CSMD3: variants seen among roughly 807,000 people sequenced by gnomAD.
The protein encoded by CSMD3 is CUB and Sushi multiple domains 3.
A neutral mutation model predicts 435.2 loss-of-function variants in CSMD3; 177 were observed. That is an observed-to-expected ratio of 0.41 (90% CI 0.36 to 0.46). CSMD3 has a LOEUF of 0.46. Among genes scored for constraint, CSMD3 ranks in the 20% least tolerant of loss-of-function variants. The pLI is 0.34. For synonymous variants in CSMD3, 1,656 were observed against 1,520.5 expected, an observed-to-expected ratio of 1.09 and a Z score of -2.07; for missense variants, 4,265 against 4,504.6, an observed-to-expected ratio of 0.95 and a Z score of 1.52.
intron 13 of CSMD3, among the ~76,000 whole-genome samples, chr8:112,747,962 C>CAAAAAAA (rs71309788): frequency 1.8e-4 from 17 of 96,752 alleles, no homozygotes; most frequent in African/African-American, 6.2e-4. Context: ...GACTCCGTCT[C>CAAAAAAA]AAAAAAAAAA....
chr8:112,795,662 C>T (rs2078811314), intron 13 of CSMD3, among the ~76,000 whole-genome samples: 1 of 152,140 alleles, frequency 6.6e-6, no homozygotes, highest in African/African-American at 2.4e-5. Flanking sequence ...TTCAAGAACG[C>T]ACCTGAGTCT....
intron 7 of CSMD3, among the ~76,000 whole-genome samples, chr8:112,967,780 T>C (rs1051551975): frequency 6.6e-6 from 1 of 151,600 alleles, no homozygotes; most frequent in African/African-American, 2.4e-5. Context: ...TTCAATACTG[T>C]ATACCCAGCA....
chr8:113,055,554 T>C lies in CSMD3; in HGVS notation c.918-36375A>G, dbSNP rs184620240. ...CATATTCTGCTGACTCTCATGTCTA[T>C]AACTGTAATCCTAAATTTTCCCTTG... On this transcript the variant is annotated intron_variant, in intron 5 of 70. Coordinates refer to ENST00000297405, the MANE Select transcript of CSMD3 (RefSeq NM_198123.2). Among the ~76,000 whole-genome samples, 6 of 152,350 alleles carry C rather than the reference T, an allele frequency of 3.9e-5. No homozygotes were observed. In the East Asian group the frequency reaches 1.2e-3, roughly 29 times the overall value.
chr8:112,364,561 C>T (rs1948411), intron 38 of CSMD3, among the ~76,000 whole-genome samples: 30,973 of 151,888 alleles, frequency 0.2, 3,699 homozygotes, highest in East Asian at 0.39. Flanking sequence ...GAGATTTTAA[C>T]ATGTGTCTCT....
At position 112,503,957 on chromosome 8, in the gene CSMD3, T is replaced by C. The variant is rs887100335; in HGVS notation, c.4916A>G (p.Tyr1639Cys). The C allele has an allele frequency of 1.2e-6, 2 of 1,608,824 alleles. No homozygotes were observed. Among genetic ancestry groups the C allele is most frequent in the South Asian group, 1.1e-5 (1 of 90,906 alleles). Reference sequence around the variant, plus strand: ...TCCATCATAGATATAGAGGAAGTCATAGTTTGGTTCTATGCTAAAACTGAA... The same window carrying C: ...TCCATCATAGATATAGAGGAAGTCACAGTTTGGTTCTATGCTAAAACTGAA... ...AFISFSIEPN[Y>C]DFLYIYDGPD... Residue 1639 changes from tyrosine (Y) to cysteine (C), a missense_variant, in exon 30 of 71, where the codon TAT becomes TGT. This residue lies in a region of CSMD3 where 3,255 missense variants were observed against 3,380.2 expected (regional missense o/e 0.96). Coordinates refer to ENST00000297405, the MANE Select transcript of CSMD3 (RefSeq NM_198123.2).
chr8:113,129,707 A>T (rs1259735836), intron 4 of CSMD3, among the ~76,000 whole-genome samples: 1 of 152,166 alleles, frequency 6.6e-6, no homozygotes, highest in Non-Finnish European at 1.5e-5. Context: ...GAGGATTCAT[A>T]GAGAAGTATA....
intron 16 of CSMD3, among the ~76,000 whole-genome samples, chr8:112,672,978 C>T (rs2075692079): frequency 6.6e-6 from 1 of 152,034 alleles, no homozygotes; most frequent in South Asian, 2.1e-4. Flanking sequence ...AGAAGTGGTA[C>T]TTAGGTGCTC....
At chr8:112,886,100 T>C (rs1033323659) in intron 10 of CSMD3, among the ~76,000 whole-genome samples, 1 of 151,722 alleles carries the variant, frequency 6.6e-6, no homozygotes, top group Non-Finnish European at 1.5e-5. Flanking sequence ...CAGGATTCTG[T>C]GGTTTTACTT....
chr8:113,348,868 T>C (rs2094170566), intron 1 of CSMD3, among the ~76,000 whole-genome samples: 2 of 152,090 alleles, frequency 1.3e-5, no homozygotes, highest in Admixed American at 1.3e-4. Flanking sequence ...TTTAGACCTT[T>C]ACACAATATG....
intron 9 of CSMD3, among the ~76,000 whole-genome samples, chr8:112,929,770 G>C (rs1371983407): frequency 3.3e-5 from 5 of 151,970 alleles, no homozygotes; most frequent in Non-Finnish European, 7.4e-5. Flanking sequence ...GAATGCGTTA[G>C]AAAGTAACAT....
intron 10 of CSMD3, among the ~76,000 whole-genome samples, chr8:112,904,922 G>A (rs892682160): frequency 6.6e-6 from 1 of 151,410 alleles, no homozygotes; most frequent in African/African-American, 2.4e-5. Flanking sequence ...TCTGCAAGTT[G>A]AGTCTGGATG....
chr8:112,575,553 A>T (rs1829871485), intron 23 of CSMD3, among the ~76,000 whole-genome samples: 2 of 152,086 alleles, frequency 1.3e-5, no homozygotes, highest in South Asian at 4.1e-4. Context: ...ATTTCCTAAT[A>T]TTATAAGGGA....
At chr8:113,353,212 G>C (rs927179602) in intron 1 of CSMD3, among the ~76,000 whole-genome samples, 1 of 152,088 alleles carries the variant, frequency 6.6e-6, no homozygotes, top group African/African-American at 2.4e-5. Flanking sequence ...GGACATAGGA[G>C]GAGTAGAAAA....
intron 4 of CSMD3, among the ~76,000 whole-genome samples, chr8:113,126,571 T>C (rs996148763): frequency 6.6e-6 from 1 of 151,928 alleles, no homozygotes; most frequent in African/African-American, 2.4e-5. Flanking sequence ...ATGACATTAA[T>C]AAATGCAATT....
chr8:113,305,869 T>A (rs936346461), intron 2 of CSMD3, among the ~76,000 whole-genome samples: 2 of 152,206 alleles, frequency 1.3e-5, no homozygotes, highest in African/African-American at 4.8e-5. Context: ...GCATGCCCAA[T>A]GCCCAATGGC....
chr8:112,697,195 A>G (rs2076277231), intron 13 of CSMD3, among the ~76,000 whole-genome samples: 1 of 152,178 alleles, frequency 6.6e-6, no homozygotes, highest in African/African-American at 2.4e-5. Flanking sequence ...TGGAACTAGA[A>G]ATACCATTTG....
rs2130778515 is a variant in CSMD3, at chr8:112,304,826, C to T, written c.8161G>A (p.Val2721Ile). 6.2e-7 allele frequency: 1 copy of T among 1,613,898 alleles called. No homozygotes were observed. The highest frequency in any genetic ancestry group is 8.5e-7 in the Non-Finnish European group (1 of 1,179,866). The change falls in exon 52 of 71, where the codon GTA (valine) becomes ATA (isoleucine). Residue 2721 changes from valine to isoleucine, a missense_variant. Around this residue, in one of 3 missense-constraint regions of CSMD3, gnomAD observed 3,255 missense variants for 3,380.2 expected, o/e 0.96. Transcript: ENST00000297405. ...NGSHYEYKTK[V>I]VFSCDPGYHG... is the part of the protein sequence containing the mutation. The stretch of plus-strand genomic sequence containing the variant: ...TAACCAGGGTCACAGCTGAAAACTA[C>T]TTTGGTTTTGTATTCATAATGGGAG...
intron 2 of CSMD3, among the ~76,000 whole-genome samples, chr8:113,303,077 A>T (rs2093786982): frequency 7.6e-6 from 1 of 130,956 alleles, no homozygotes; most frequent in African/African-American, 3.0e-5. Flanking sequence ...AGGATACAAA[A>T]TCAATGTACA....
chr8:112,403,348 A>G (rs1049543265), intron 35 of CSMD3, among the ~76,000 whole-genome samples: 1 of 152,204 alleles, frequency 6.6e-6, no homozygotes, highest in African/African-American at 2.4e-5. Flanking sequence ...TGTACATTCC[A>G]AAAGTAACAG....
Sources: allele counts gnomAD v4.1 joint callset (sites outside exome capture counted in the v4.1 genomes callset), GRCh38; gene constraint gnomAD v4.1.1; regional missense constraint gnomAD v4.1.1; transcripts MANE v1.5; gene names NCBI Gene and HGNC (gene_info 2026-07-23, HGNC 2026-07-21).